Variants in RUBCNL observed in about 807,000 individuals in gnomAD.
RUBCNL encodes protein associated with UVRAG as autophagy enhancer.
In RUBCNL, 62 loss-of-function variants were observed where a neutral mutation model predicts 69.5. The ratio of observed to expected loss-of-function variants is 0.89; its 90% CI spans 0.73 to 1.10. The LOEUF is 1.10. Ranked by LOEUF, RUBCNL falls within the 50% of genes least tolerant of loss-of-function variation. The pLI is 0.00. For synonymous variants in RUBCNL, 291 were observed against 303.6 expected (o/e 0.96, Z 0.43); for missense variants, 768 against 798.1 (o/e 0.96, Z 0.45).
chr13:46,367,427 C>T lies in RUBCNL; in HGVS notation c.826+615G>A, dbSNP rs950944066. Reference sequence around the variant, plus strand: ...ATGCCATGTGACAGAAAACAAAGGACGAGGAGACATCAGCCACGTTTATTT... The same window carrying T: ...ATGCCATGTGACAGAAAACAAAGGATGAGGAGACATCAGCCACGTTTATTT... On this transcript the variant is annotated intron_variant, in intron 5 of 14. Transcript: ENST00000429979. Among the ~76,000 whole-genome samples the T allele has an allele frequency of 3.3e-5, 5 of 152,002 alleles. No homozygotes were observed. The East Asian group carries it at 7.7e-4, about 23-fold the overall frequency.
chr13:46,359,378 G>T, intron 9 of RUBCNL, 108 bp downstream of exon 9: 1 of 883,990 alleles, frequency 1.1e-6, no homozygotes, highest in Non-Finnish European at 1.6e-6. Context: ...AAATTTTCCT[G>T]TGTTCTTTAG....
At chr13:46,361,862 C>A (rs2048618709) in intron 7 of RUBCNL, among the ~76,000 whole-genome samples, 1 of 152,120 alleles carries the variant, frequency 6.6e-6, no homozygotes, top group Non-Finnish European at 1.5e-5. Flanking sequence ...TACCTCACAG[C>A]CTTCGTGTCC....
At chr13:46,387,842 A>G, upstream of RUBCNL, 1 of 985,562 alleles carries the variant, frequency 1.0e-6, no homozygotes, top group Non-Finnish European at 1.2e-6. Context: ...ACGGGTGTGC[A>G]GTGGTTAGTC....
chr13:46,364,523 G>A (rs955599814), intron 5 of RUBCNL, among the ~76,000 whole-genome samples: 1 of 152,022 alleles, frequency 6.6e-6, no homozygotes, highest in Non-Finnish European at 1.5e-5. Flanking sequence ...GATAGAATGG[G>A]GGTAAGAGCA....
Position 46,377,917 on chromosome 13 carries a change from GATTGAC to G in RUBCNL, c.-156_-151del, listed in dbSNP as rs1485360629. 1.4e-5 allele frequency: 23 copies of G among 1,609,600 alleles called. No individual in the cohort carries two copies. Among genetic ancestry groups the G allele is most frequent in the Middle Eastern group, 1.7e-4 (1 of 6,058 alleles). ...GGAGTATGAATTTCTCGAAGAGGCA[GATTGAC>G]ACAGAGGAGAAAGTAATGATTGGAA... On this transcript the variant is annotated 5_prime_UTR_variant, in exon 2 of 15. Transcript: ENST00000429979.
Position 46,368,256 on chromosome 13 carries a change from AAAAAG to A in RUBCNL, c.619-12_619-8del, listed in dbSNP as rs1352985198. 6.2e-7 allele frequency: 1 copy of A among 1,608,886 alleles called. No homozygotes were observed. Among genetic ancestry groups the A allele is most frequent in the African/African-American group, 1.3e-5 (1 of 74,862 alleles). On this transcript the variant is annotated splice_region_variant and splice_polypyrimidine_tract_variant and intron_variant, in intron 4 of 14. Coordinates refer to ENST00000429979, the MANE Select transcript of RUBCNL (RefSeq NM_025113.5). ...CATAAAAGTGGGCATTTTCCTGCAG[AAAAAG>A]AAATCAATTAAAATACAAGCATAAT...
rs971494280 is a variant in RUBCNL, at chr13:46,338,713, G to A, written c.*4672C>T. ...AACACGGCAGGACTAGAAAAGAGGGGGCAGCCCTGGGGAGAAAGAAGCCTG... is the reference window on the plus strand; with the variant it reads ...AACACGGCAGGACTAGAAAAGAGGGAGCAGCCCTGGGGAGAAAGAAGCCTG... On this transcript the variant is annotated 3_prime_UTR_variant, in exon 15 of 15. Transcript: ENST00000429979. Among the ~76,000 whole-genome samples, 1 of 152,006 alleles carries A rather than the reference G, an allele frequency of 6.6e-6. No homozygotes were observed. The highest frequency in any genetic ancestry group is 1.5e-5 in the Non-Finnish European group (1 of 68,006).
intron 9 of RUBCNL, among the ~76,000 whole-genome samples, chr13:46,356,893 T>C (rs76853638): frequency 8.3e-5 from 11 of 132,746 alleles, no homozygotes; most frequent in Non-Finnish European, 1.6e-4. Flanking sequence ...CTTTATTTAC[T>C]TTTTTTTTTT....
intron 1 of RUBCNL, among the ~76,000 whole-genome samples, chr13:46,380,990 A>G (rs1377381967): frequency 6.6e-6 from 1 of 152,234 alleles, no homozygotes; most frequent in African/African-American, 2.4e-5. Context: ...CTGCACTTGA[A>G]AAATGGCTAG....
intron 1 of RUBCNL, chr13:46,385,192 T>C (rs898112166): frequency 6.0e-5 from 42 of 697,802 alleles, no homozygotes; most frequent in Admixed American, 1.3e-4. Flanking sequence ...AGCTTTATTA[T>C]CACCATCATT....
At chr13:46,375,218 C>CA (rs1030677217) in intron 2 of RUBCNL, among the ~76,000 whole-genome samples, 3 of 152,094 alleles carry the variant, frequency 2.0e-5, no homozygotes, top group Non-Finnish European at 4.4e-5. Flanking sequence ...ACAAATCCAA[C>CA]AAAATGGAGA....
At chr13:46,351,102 A>G (rs951051230) in intron 10 of RUBCNL, 9 of 83,000 alleles carry the variant, frequency 1.1e-4, no homozygotes, top group Non-Finnish European at 1.6e-4. Context: ...ATCTCCACAG[A>G]AAAAAAAAAA....
At chr13:46,387,668 G>C, upstream of RUBCNL, 1 of 985,682 alleles carries the variant, frequency 1.0e-6, no homozygotes, top group Non-Finnish European at 1.2e-6. Flanking sequence ...AAATCGACCT[G>C]CAACTTACCC....
intron 1 of RUBCNL, among the ~76,000 whole-genome samples, chr13:46,383,006 G>A (rs970457254): frequency 1.3e-5 from 2 of 152,206 alleles, no homozygotes; most frequent in Non-Finnish European, 2.9e-5. Flanking sequence ...CAGTGGGGAC[G>A]ATAAATAGAA....
chr13:46,368,343 G>T, intron 4 of RUBCNL, 94 bp from the exon 5 acceptor site: 1 of 1,433,318 alleles, frequency 7.0e-7, no homozygotes, highest in Non-Finnish European at 9.4e-7. Flanking sequence ...CTATTTAAGT[G>T]GAATTAATGC....
Position 46,362,923 on chromosome 13 carries a change from CATATATATATATATAGATATATATAT to C in RUBCNL, c.925+166_925+191del, listed in dbSNP as rs1288174351. Among the ~76,000 whole-genome samples, 235 of 88,052 alleles carry C rather than the reference CATATATATATATATAGATATATATAT, an allele frequency of 2.7e-3. 20 individuals carry two copies. The highest frequency in any genetic ancestry group is 8.3e-3 in the East Asian group (24 of 2,890). The allele number at this position is 88,052 out of a possible 152,430, so 57.8% of individuals were successfully genotyped here. On this transcript the variant is annotated intron_variant, in intron 6 of 14. Coordinates refer to ENST00000429979, the MANE Select transcript of RUBCNL (RefSeq NM_025113.5). ...ATCCAGACATTTGAAACAAGAACATCATATATATATATATAGATATATATATATATATATATATATATATATATATA... is the reference window on the plus strand; with the variant it reads ...ATCCAGACATTTGAAACAAGAACATCATATATATATATATATATATATATA...
At chr13:46,385,244 G>A (rs2049212994) in intron 1 of RUBCNL, 16 of 979,194 alleles carry the variant, frequency 1.6e-5, no homozygotes, top group Non-Finnish European at 1.8e-5. Flanking sequence ...AGACAGCACA[G>A]TTACAGAGAC....
At chr13:46,384,772 CTCTGAGAAGTAT>C (rs2049200579) in intron 1 of RUBCNL, among the ~76,000 whole-genome samples, 1 of 152,180 alleles carries the variant, frequency 6.6e-6, no homozygotes, top group Non-Finnish European at 1.5e-5. Context: ...TCTTTCTACA[CTCTGAGAAGTAT>C]TTTACCTTTA....
At chr13:46,368,647 A>C in intron 4 of RUBCNL, 86 bp downstream of exon 4, 10 of 1,353,968 alleles carry the variant, frequency 7.4e-6, no homozygotes, top group Non-Finnish European at 1.0e-5. Flanking sequence ...ATGATTCATC[A>C]AATTGAAGTT....
Sources: allele counts gnomAD v4.1 joint callset (sites outside exome capture counted in the v4.1 genomes callset), GRCh38; gene constraint gnomAD v4.1.1; transcripts MANE v1.5; gene names NCBI Gene and HGNC (gene_info 2026-07-23, HGNC 2026-07-21).